Variants in LRRN2 observed in about 807,000 individuals in gnomAD.
The protein encoded by LRRN2 is leucine-rich repeat neuronal protein 2.
LRRN2 carries 10 observed loss-of-function variants against 35.7 expected under a neutral mutation model. That is an observed-to-expected ratio of 0.28 (90% confidence interval 0.17 to 0.47). The LOEUF is 0.47. LRRN2 is among the 20% of genes least tolerant of loss of function. The pLI is 0.99. For missense variants in LRRN2, 731 were observed against 940.3 expected (o/e 0.78, Z 2.91); for synonymous variants, 391 against 409.6 (o/e 0.95, Z 0.55).
chr1:204,620,346 T>A (rs1183927029), intron 1 of LRRN2, 128 bp from the exon 2 acceptor site: 1 of 437,598 alleles, frequency 2.3e-6, no homozygotes, highest in Non-Finnish European at 3.6e-6. Context: ...TGCACTCAGC[T>A]GACTGCATCC....
intron 1 of LRRN2, among the ~76,000 whole-genome samples, chr1:204,623,863 T>C (rs1470370418): frequency 6.6e-6 from 1 of 152,212 alleles, no homozygotes; most frequent in African/African-American, 2.4e-5. Context: ...TAGTGAAATG[T>C]GTAGAGAACA....
intron 1 of LRRN2, chr1:204,626,966 T>G (rs909231200): frequency 6.8e-6 from 1 of 147,296 alleles, no homozygotes; most frequent in African/African-American, 2.6e-5. Context: ...TTTTTTTTTT[T>G]GCCTAGGGCT....
chr1:204,667,374 T>A (rs906854561), intron 1 of LRRN2, among the ~76,000 whole-genome samples: 5 of 152,174 alleles, frequency 3.3e-5, no homozygotes, highest in Non-Finnish European at 7.3e-5. Context: ...ATACTTTTTT[T>A]AAAAGGTTAA....
chr1:204,671,391 CTGTTTGTGTGTTTGTG>C (rs1196242538), intron 1 of LRRN2, among the ~76,000 whole-genome samples: 2 of 143,336 alleles, frequency 1.4e-5, no homozygotes, highest in Non-Finnish European at 3.0e-5. Flanking sequence ...AAGTAGCAAT[CTGTTTGTGTGTTTGTG>C]TGTGTGTGTG....
intron 1 of LRRN2, among the ~76,000 whole-genome samples, chr1:204,668,579 A>C (rs1189997507): frequency 6.6e-6 from 1 of 152,140 alleles, no homozygotes; most frequent in African/African-American, 2.4e-5. Flanking sequence ...TGGGTGACAG[A>C]GCGAGACTCT....
At chr1:204,653,808 G>C (rs191559557) in intron 1 of LRRN2, among the ~76,000 whole-genome samples, 49 of 149,148 alleles carry the variant, frequency 3.3e-4, no homozygotes, top group African/African-American at 1.1e-3. Context: ...GCTACAGTGA[G>C]TTAGGGTAGT....
At chr1:204,633,561 C>T (rs910955512) in intron 1 of LRRN2, among the ~76,000 whole-genome samples, 11 of 152,156 alleles carry the variant, frequency 7.2e-5, no homozygotes, top group Admixed American at 6.5e-4. Flanking sequence ...AGGTGCCTCA[C>T]CAGAGTGATT....
At chr1:204,669,237 G>A (rs1414416553) in intron 1 of LRRN2, among the ~76,000 whole-genome samples, 1 of 152,214 alleles carries the variant, frequency 6.6e-6, no homozygotes, top group Admixed American at 6.5e-5. Context: ...TCTTTGGTTG[G>A]GGAAAGACAG....
chr1:204,670,249 T>C (rs1373135770), intron 1 of LRRN2, among the ~76,000 whole-genome samples: 3 of 151,766 alleles, frequency 2.0e-5, no homozygotes, highest in Admixed American at 6.6e-5. Flanking sequence ...TGTAAGGCGG[T>C]AGAGAAAAGG....
intron 1 of LRRN2, among the ~76,000 whole-genome samples, chr1:204,659,739 G>A (rs1183817846): frequency 6.6e-6 from 1 of 152,064 alleles, no homozygotes; most frequent in Non-Finnish European, 1.5e-5. Context: ...TATGTGTGAA[G>A]TGTTTAAAAC....
intron 1 of LRRN2, among the ~76,000 whole-genome samples, chr1:204,659,159 G>T (rs1478738768): frequency 2.0e-5 from 3 of 152,170 alleles, no homozygotes; most frequent in African/African-American, 7.2e-5. Context: ...CATTTTATGG[G>T]GGAAATTATG....
At chr1:204,681,114 G>C (rs113800684) in intron 1 of LRRN2, among the ~76,000 whole-genome samples, 3 of 151,970 alleles carry the variant, frequency 2.0e-5, no homozygotes, top group Non-Finnish European at 4.4e-5. Flanking sequence ...GTGCCACCAC[G>C]CCCGGCTAAT....
At chr1:204,625,672 T>C (rs925667948) in intron 1 of LRRN2, among the ~76,000 whole-genome samples, 1 of 152,174 alleles carries the variant, frequency 6.6e-6, no homozygotes, top group Admixed American at 6.5e-5. Flanking sequence ...CCAAGCAGTT[T>C]CATCTTGAAA....
chr1:204,671,403 T>TTG (rs60084787), intron 1 of LRRN2, among the ~76,000 whole-genome samples: 5,589 of 122,946 alleles, frequency 0.045, 232 homozygotes, highest in African/African-American at 0.11. Flanking sequence ...GTTTGTGTGT[T>TTG]TGTGTGTGTG....
intron 1 of LRRN2, among the ~76,000 whole-genome samples, chr1:204,634,148 G>T (rs956484432): frequency 2.6e-5 from 4 of 152,204 alleles, no homozygotes; most frequent in Non-Finnish European, 4.4e-5. Context: ...TTTACTGTCT[G>T]GGAATAAAAA....
intron 1 of LRRN2, among the ~76,000 whole-genome samples, chr1:204,660,299 A>G (rs920088570): frequency 6.6e-6 from 1 of 151,738 alleles, no homozygotes; most frequent in Non-Finnish European, 1.5e-5. Context: ...ATGTGTCTCC[A>G]TCTCCCCTTG....
intron 1 of LRRN2, among the ~76,000 whole-genome samples, chr1:204,684,026 G>A (rs778457228): frequency 6.6e-6 from 1 of 152,222 alleles, no homozygotes; most frequent in African/African-American, 2.4e-5. Context: ...GGCAATGGGA[G>A]GAGCTCCTGG....
At chr1:204,681,192 T>G (rs1406397598) in intron 1 of LRRN2, among the ~76,000 whole-genome samples, 5 of 152,086 alleles carry the variant, frequency 3.3e-5, no homozygotes, top group East Asian at 1.9e-4. Context: ...CCTGACCTCA[T>G]GTGATCCACC....
chr1:204,631,258 ATATATATATATATATATATATATATATAT>A lies in LRRN2; in HGVS notation c.-226-11069_-226-11041del, dbSNP rs1667688985. Among the ~76,000 whole-genome samples, 32 of 39,002 alleles carry A rather than the reference ATATATATATATATATATATATATATATAT, an allele frequency of 8.2e-4. 1 individual carries two copies. Among genetic ancestry groups the A allele is most frequent in the African/African-American group, 2.2e-3 (24 of 10,924 alleles). 25.6% of individuals were successfully genotyped at this position (39,002 alleles called of 152,430 possible). A position where few individuals can be genotyped will look rare whatever the true frequency, so the allele number is the denominator to read the frequency against. On this transcript the variant is annotated intron_variant, in intron 1 of 1. Transcript: ENST00000367177. ...AGAAGAGTGATACCTAGAGTGTTCTATATATATATATATATATATATATATATATATATATATATATATATGAAGAGCTG... is the reference window on the plus strand; with the variant it reads ...AGAAGAGTGATACCTAGAGTGTTCTAATATATATATATATATGAAGAGCTG...
Sources: gnomAD v4.1 joint callset for allele counts (sites outside exome capture counted in the v4.1 genomes callset) on GRCh38, gnomAD v4.1.1 for gene constraint, MANE v1.5 for transcripts, NCBI Gene and HGNC (gene_info 2026-07-23, HGNC 2026-07-21) for gene names.